The following PLEKHA6 variants were observed in gnomAD, a reference collection of about 807,000 sequenced individuals.
The protein encoded by PLEKHA6 is pleckstrin homology domain-containing family A member 6.
Under a neutral mutation model 116.7 loss-of-function variants are expected in PLEKHA6, and 60 were observed. That is an observed-to-expected ratio of 0.51 (90% CI 0.42 to 0.64). The LOEUF (loss-of-function observed/expected upper bound fraction) is 0.64. Among genes scored for constraint, PLEKHA6 ranks in the 30% least tolerant of loss-of-function variants. PLEKHA6 has a pLI of 0.00. For synonymous variants in PLEKHA6, 489 were observed against 556.1 expected, an observed-to-expected ratio of 0.88 and a Z score of 1.70; for missense variants, 1,338 against 1,422.7, an observed-to-expected ratio of 0.94 and a Z score of 0.96.
chr1:204,246,366 A>G (rs960250052), intron 13 of PLEKHA6, among the ~76,000 whole-genome samples: 1 of 152,224 alleles, frequency 6.6e-6, no homozygotes, highest in Non-Finnish European at 1.5e-5. Flanking sequence ...CAGCATGACC[A>G]TCATCTCAAT....
intron 1 of PLEKHA6, chr1:204,309,066 T>C (rs1321131424): frequency 8.3e-5 from 81 of 976,620 alleles, no homozygotes; most frequent in Non-Finnish European, 9.9e-5. Context: ...ATTCATTGTC[T>C]TTCTGTCACT....
chr1:204,318,924 CAG>C (rs1258518322), intron 1 of PLEKHA6, among the ~76,000 whole-genome samples: 1 of 152,152 alleles, frequency 6.6e-6, no homozygotes, highest in Non-Finnish European at 1.5e-5. Flanking sequence ...GCCCGCAGTG[CAG>C]AGAGGGAAGG....
intron 17 of PLEKHA6, among the ~76,000 whole-genome samples, chr1:204,234,707 T>G (rs1661691667): frequency 6.6e-6 from 1 of 151,940 alleles, no homozygotes; most frequent in Non-Finnish European, 1.5e-5. Context: ...GATCCATCCT[T>G]AATCTGGTGG....
chr1:204,223,049 A>G lies in PLEKHA6; in HGVS notation c.*9-270T>C, dbSNP rs1242220877. 6.6e-6 allele frequency among the ~76,000 whole-genome samples: 1 copy of G among 152,158 alleles called. No individual in the cohort carries two copies. Among genetic ancestry groups the G allele is most frequent in the Non-Finnish European group, 1.5e-5 (1 of 68,030 alleles). On this transcript the variant is annotated intron_variant, in intron 22 of 22. Coordinates refer to ENST00000272203, the MANE Select transcript of PLEKHA6 (RefSeq NM_014935.5). This position sits in a 1 kb window ranked among gnomAD's most constrained non-coding sequence, Gnocchi z 4.8. The stretch of plus-strand genomic sequence containing the variant: ...ATTTTAATTTACAGTAAGATCTGGG[A>G]GTGGAGAAACAGCTTCTGAGGGCTT...
At chr1:204,263,728 G>A (rs1302362404) in intron 6 of PLEKHA6, among the ~76,000 whole-genome samples, 1 of 151,532 alleles carries the variant, frequency 6.6e-6, no homozygotes, top group Non-Finnish European at 1.5e-5. Flanking sequence ...GAGACAGGCT[G>A]TTTGATTGTG....
chr1:204,351,561 C>A (rs1290970010), intron 1 of PLEKHA6, among the ~76,000 whole-genome samples: 2 of 152,248 alleles, frequency 1.3e-5, no homozygotes, highest in African/African-American at 4.8e-5. Context: ...TGGTAAAAAT[C>A]ATAAGGAAGA....
chr1:204,308,283 G>T (rs1381625646), intron 1 of PLEKHA6, among the ~76,000 whole-genome samples: 1 of 152,194 alleles, frequency 6.6e-6, no homozygotes, highest in Non-Finnish European at 1.5e-5. Context: ...AGATGGGCTG[G>T]GCAGTGGCTC....
intron 1 of PLEKHA6, chr1:204,347,264 C>T (rs529035710): frequency 2.6e-5 from 26 of 993,336 alleles, no homozygotes; most frequent in East Asian, 1.7e-4. Flanking sequence ...GTCATTTTGG[C>T]GAATTACTGG....
intron 9 of PLEKHA6, among the ~76,000 whole-genome samples, chr1:204,252,180 G>A (rs976736007): frequency 2.7e-5 from 4 of 148,198 alleles, no homozygotes; most frequent in South Asian, 2.3e-4. Context: ...TGAGGATCTC[G>A]GATGACGCTA....
At chr1:204,333,806 T>C (rs1248050546) in intron 1 of PLEKHA6, among the ~76,000 whole-genome samples, 3 of 152,358 alleles carry the variant, frequency 2.0e-5, no homozygotes, top group African/African-American at 4.8e-5. Flanking sequence ...TCTCAGGCTA[T>C]GCAGTTAGCA....
intron 6 of PLEKHA6, 28 bp downstream of exon 6, chr1:204,264,914 C>G (rs772519323): frequency 6.7e-7 from 1 of 1,497,678 alleles, no homozygotes; most frequent in East Asian, 2.3e-5. Context: ...CCTTCCCCAC[C>G]TGCCCTGGGA....
chr1:204,224,944 T>C (rs188204560), intron 21 of PLEKHA6, among the ~76,000 whole-genome samples: 148 of 152,330 alleles, frequency 9.7e-4, no homozygotes, highest in African/African-American at 3.4e-3. Context: ...CCACAGGACA[T>C]GCAGCGAGGC....
At chr1:204,243,046 G>A in intron 15 of PLEKHA6, 1 of 399,196 alleles carries the variant, frequency 2.5e-6, no homozygotes, top group East Asian at 3.6e-5. Flanking sequence ...GCCCTGCCTT[G>A]CCCCTTGGCC....
chr1:204,259,136 T>C lies in PLEKHA6; in HGVS notation c.1007+122A>G. 1 of 1,183,462 alleles carries C rather than the reference T, an allele frequency of 8.4e-7. No homozygotes were observed. The highest frequency in any genetic ancestry group is 2.5e-5 in the Admixed American group (1 of 40,224). The allele number at this position is 1,183,462 out of a possible 1,614,324, so 73.3% of individuals were successfully genotyped here. A position where few individuals can be genotyped will look rare whatever the true frequency, so the allele number is the denominator to read the frequency against. ...CCAGGAAGCATGGGATTTGCTTGGT[T>C]TCCCAACTCAGCCTGCTTCCAGAAG... On this transcript the variant is annotated intron_variant, in intron 8 of 22. Coordinates refer to ENST00000272203, the MANE Select transcript of PLEKHA6 (RefSeq NM_014935.5). This position sits in a 1 kb window ranked among gnomAD's most constrained non-coding sequence, Gnocchi z 4.6.
chr1:204,239,181 C>A (rs1397785458), intron 17 of PLEKHA6, among the ~76,000 whole-genome samples: 1 of 152,198 alleles, frequency 6.6e-6, no homozygotes, highest in Non-Finnish European at 1.5e-5. Flanking sequence ...CACTCAGCCT[C>A]TTTTCCCAGC....
chr1:204,245,047 C>T (rs780992823), intron 14 of PLEKHA6, 44 bp from the exon 15 acceptor site: 36 of 1,349,824 alleles, frequency 2.7e-5, no homozygotes, highest in Non-Finnish European at 3.3e-5. Flanking sequence ...AGGAGGGGTG[C>T]GGCCTGGTGG....
chr1:204,241,180 C>T lies in PLEKHA6; in HGVS notation c.2409+195G>A, dbSNP rs1478569396. Among the ~76,000 whole-genome samples, 6 of 152,342 alleles carry T rather than the reference C, an allele frequency of 3.9e-5. No homozygotes were observed. The South Asian group carries it at 8.3e-4, about 21-fold the overall frequency. ...GAGAACCCTGACCAATGCAGCATAG[C>T]TTCCTCATCCCCTGACACATCTCCC... On this transcript the variant is annotated intron_variant, in intron 17 of 22. Transcript: ENST00000272203.
rs1363476338 is a variant in PLEKHA6 at position 204,317,360 on chromosome 1, G to T, written c.-95+42334C>A. 3.1e-5 allele frequency: 6 copies of T among 194,328 alleles called. No individual in the cohort carries two copies. The South Asian group carries it at 7.1e-4, about 23-fold the overall frequency. The allele number at this position is 194,328 out of a possible 1,614,324, so 12.0% of individuals were successfully genotyped here. On this transcript the variant is annotated intron_variant, in intron 1 of 22. Transcript: ENST00000272203. ...TCAGCGATGTTGTTCCAGCAGCCAG[G>T]CCTCTTCGGAGAGTTTATCAGCAGA...
chr1:204,230,592 G>A lies in PLEKHA6; in HGVS notation c.2410-6C>T. On this transcript the variant is annotated splice_region_variant and splice_polypyrimidine_tract_variant and intron_variant, in intron 17 of 22. Transcript: ENST00000272203. ...ACAGCACTCTTGGGGCGTTCCTGCT[G>A]CCATGGGAAAACAGGGCTCTGACAA... The A allele has an allele frequency of 6.3e-7, 1 of 1,595,414 alleles. No homozygotes were observed. Among genetic ancestry groups the A allele is most frequent in the Non-Finnish European group, 8.5e-7 (1 of 1,170,902 alleles).
Sources: gnomAD v4.1 joint callset for allele counts (sites outside exome capture counted in the v4.1 genomes callset) on GRCh38, gnomAD v4.1.1 for gene constraint, Gnocchi (gnomAD v3.1) non-coding constraint, MANE v1.5 for transcripts, NCBI Gene and HGNC (gene_info 2026-07-23, HGNC 2026-07-21) for gene names.